The following CDK5RAP2 variants were observed in gnomAD, a reference collection of about 807,000 sequenced individuals.
CDK5RAP2 encodes CDK5 regulatory subunit associated protein 2, also known as CDK5 regulatory subunit-associated protein 2.
CDK5RAP2 carries 147 observed loss-of-function variants against 232.9 expected under a neutral mutation model. The ratio of observed to expected loss-of-function variants is 0.63; its 90% CI spans 0.55 to 0.72. The LOEUF (loss-of-function observed/expected upper bound fraction) is 0.72, where lower values mean the gene tolerates loss of function less well. Among genes scored for constraint, CDK5RAP2 ranks in the 30% least tolerant of loss-of-function variants. The pLI, the probability that CDK5RAP2 is intolerant of heterozygous loss-of-function variation, is 0.00. For synonymous variants in CDK5RAP2, 833 were observed against 833.7 expected (o/e 1.00, Z 0.01); for missense variants, 2,195 against 2,231.5 (o/e 0.98, Z 0.33).
At chr9:120,402,302 TA>T (rs891679398) in intron 34 of CDK5RAP2, among the ~76,000 whole-genome samples, 5 of 151,232 alleles carry the variant, frequency 3.3e-5, no homozygotes, top group Non-Finnish European at 7.4e-5. Flanking sequence ...TGTCTCAAAA[TA>T]AAAAAAACAC....
At chr9:120,541,811 A>G (rs1269188657) in intron 5 of CDK5RAP2, among the ~76,000 whole-genome samples, 2 of 152,224 alleles carry the variant, frequency 1.3e-5, no homozygotes, top group Non-Finnish European at 2.9e-5. Flanking sequence ...ACAAAGAAGG[A>G]TCTCAGTAAG....
At chr9:120,453,143 CAGAT>C (rs959323909) in intron 21 of CDK5RAP2, among the ~76,000 whole-genome samples, 1 of 152,118 alleles carries the variant, frequency 6.6e-6, no homozygotes, top group African/African-American at 2.4e-5. Context: ...CAGCTACAGA[CAGAT>C]AGACAGATGT....
intron 5 of CDK5RAP2, among the ~76,000 whole-genome samples, chr9:120,544,637 C>T (rs1463959301): frequency 6.6e-6 from 1 of 152,262 alleles, no homozygotes; most frequent in African/African-American, 2.4e-5. Flanking sequence ...TGGCCTACCA[C>T]ACCCAGCAGG....
intron 25 of CDK5RAP2, among the ~76,000 whole-genome samples, chr9:120,430,333 A>C (rs1366549211): frequency 1.3e-5 from 2 of 152,204 alleles, no homozygotes; most frequent in African/African-American, 2.4e-5. Flanking sequence ...CAACCTACAA[A>C]ATGGGAGAAA....
At position 120,398,816 on chromosome 9, in the gene CDK5RAP2, A is replaced by G. The variant is rs536664846; in HGVS notation, c.5451+1926T>C. On this transcript the variant is annotated intron_variant, in intron 35 of 37. Coordinates refer to ENST00000349780, the MANE Select transcript of CDK5RAP2 (RefSeq NM_018249.6). Reference sequence around the variant, plus strand: ...ATACACACTTTCCAGAGCAGTCCAGACTACATGGGATGGTATACTAAATGT... The same window carrying G: ...ATACACACTTTCCAGAGCAGTCCAGGCTACATGGGATGGTATACTAAATGT... 1.3e-3 allele frequency among the ~76,000 whole-genome samples: 202 copies of G among 152,334 alleles called. 1 individual carries two copies. Among genetic ancestry groups the G allele is most frequent in the African/African-American group, 4.7e-3 (197 of 41,564 alleles).
intron 29 of CDK5RAP2, 31 bp from the exon 30 acceptor site, chr9:120,409,347 GGC>G: frequency 6.6e-7 from 1 of 1,511,646 alleles, no homozygotes; most frequent in Non-Finnish European, 9.0e-7. Flanking sequence ...CACTGAGAAG[GGC>G]CACCATTTGT....
intron 3 of CDK5RAP2, among the ~76,000 whole-genome samples, chr9:120,562,617 C>T (rs1001945493): frequency 3.9e-5 from 6 of 152,006 alleles, no homozygotes; most frequent in Non-Finnish European, 8.8e-5. Context: ...CTAAGTTCAC[C>T]CTCATTCTCC....
intron 18 of CDK5RAP2, among the ~76,000 whole-genome samples, chr9:120,463,080 A>G (rs2037179538): frequency 6.6e-6 from 1 of 152,142 alleles, no homozygotes; most frequent in Non-Finnish European, 1.5e-5. Flanking sequence ...TAAAAAACAA[A>G]ACAAAACAGG....
At chr9:120,444,942 A>C (rs1409150500) in intron 22 of CDK5RAP2, among the ~76,000 whole-genome samples, 1 of 152,210 alleles carries the variant, frequency 6.6e-6, no homozygotes, top group East Asian at 1.9e-4. Context: ...AAGACTCAGT[A>C]AATAATAGGT....
intron 18 of CDK5RAP2, 180 bp from the exon 19 acceptor site, chr9:120,460,847 T>A: frequency 9.9e-7 from 1 of 1,011,492 alleles, no homozygotes; most frequent in Non-Finnish European, 1.4e-6. Flanking sequence ...AGTTGCTAGT[T>A]GTGGCGAATC....
In CDK5RAP2 at chr9:120,416,661, G is replaced by A. The variant is rs116133256; in HGVS notation, c.4178-1502C>T. ...CTCTGCCACATCTCACTTTAACAAA[G>A]AAAGAAGAAAGCACAATTCCAATCC... On this transcript the variant is annotated intron_variant, in intron 27 of 37. Coordinates refer to ENST00000349780, the MANE Select transcript of CDK5RAP2 (RefSeq NM_018249.6). Among the ~76,000 whole-genome samples, 1,051 of 152,248 alleles carry A rather than the reference G, an allele frequency of 6.9e-3. 15 individuals carry two copies. The highest frequency in any genetic ancestry group is 0.024 in the African/African-American group (989 of 41,548).
intron 14 of CDK5RAP2, among the ~76,000 whole-genome samples, chr9:120,485,882 G>A (rs1237803920): frequency 1.3e-5 from 2 of 152,140 alleles, no homozygotes; most frequent in Non-Finnish European, 2.9e-5. Context: ...CCAGATTGCT[G>A]GCCCAGCCCA....
At chr9:120,506,384 A>T (rs1221544719) in intron 12 of CDK5RAP2, among the ~76,000 whole-genome samples, 1 of 152,206 alleles carries the variant, frequency 6.6e-6, no homozygotes, top group Non-Finnish European at 1.5e-5. Flanking sequence ...TCTGATGGAG[A>T]TGTACAAGAA....
intron 26 of CDK5RAP2, 113 bp downstream of exon 26, chr9:120,422,580 C>T: frequency 4.9e-6 from 4 of 810,044 alleles, no homozygotes; most frequent in Non-Finnish European, 8.8e-6. Context: ...ACCTTATTTA[C>T]AAGAAGCAGG....
intron 26 of CDK5RAP2, 58 bp from the exon 27 acceptor site, chr9:120,420,018 C>T (rs2034473190): frequency 1.4e-6 from 2 of 1,381,206 alleles, no homozygotes; most frequent in Non-Finnish European, 2.1e-6. Context: ...CAAGCCAGGA[C>T]TATGACTTAC....
Position 120,408,477 on chromosome 9 carries a change from GC to G in CDK5RAP2, c.4605-10del, listed in dbSNP as rs767068770. On this transcript the variant is annotated splice_polypyrimidine_tract_variant and intron_variant, in intron 30 of 37. Transcript: ENST00000349780. ...TCACCTCCTCCTGCACCCTGAGAAG[GC>G]CCCACAGGCATGAGAAGGACAGGTT... The G allele has an allele frequency of 1.2e-6, 2 of 1,613,976 alleles. No individual in the cohort carries two copies. The highest frequency in any genetic ancestry group is 1.7e-6 in the Non-Finnish European group (2 of 1,179,946).
chr9:120,459,726 G>A (rs2036977617), intron 19 of CDK5RAP2, among the ~76,000 whole-genome samples: 2 of 152,192 alleles, frequency 1.3e-5, no homozygotes, highest in Non-Finnish European at 2.9e-5. Context: ...AGAGATAGTA[G>A]TGCCAAAGCT....
At chr9:120,419,334 C>T (rs370180037) in intron 27 of CDK5RAP2, among the ~76,000 whole-genome samples, 119 of 152,260 alleles carry the variant, frequency 7.8e-4, no homozygotes, top group Middle Eastern at 3.4e-3. Context: ...ATGGGTCACA[C>T]TAAAGGAAAA....
intron 28 of CDK5RAP2, among the ~76,000 whole-genome samples, chr9:120,414,412 A>C (rs1354439599): frequency 6.6e-6 from 1 of 152,258 alleles, no homozygotes; most frequent in Non-Finnish European, 1.5e-5. Context: ...AAAGATGTCC[A>C]AGATTTACTG....
Sources: allele counts gnomAD v4.1 joint callset (sites outside exome capture counted in the v4.1 genomes callset), GRCh38; gene constraint gnomAD v4.1.1; transcripts MANE v1.5; gene names NCBI Gene and HGNC (gene_info 2026-07-23, HGNC 2026-07-21).